GEM: variants seen among roughly 807,000 people sequenced by gnomAD.
The protein encoded by GEM is GTP-binding protein GEM.
GEM carries 31 observed loss-of-function variants against 33.0 expected under a neutral mutation model. That is an observed-to-expected ratio of 0.94 (90% CI 0.71 to 1.27). The LOEUF (loss-of-function observed/expected upper bound fraction) is 1.27. Among genes scored for constraint, GEM ranks in the 50% most tolerant of loss-of-function variants. GEM has a pLI of 0.00. For synonymous variants in GEM, 141 were observed against 143.7 expected (o/e 0.98, Z 0.13); for missense variants, 354 against 390.5 (o/e 0.91, Z 0.79).
At position 94,255,896 on chromosome 8, in the gene GEM, C is replaced by T. The variant is rs1306601963; in HGVS notation, c.332-2784G>A. On this transcript the variant is annotated intron_variant, in intron 2 of 4. Transcript: ENST00000297596. ...ATAAGGGGTGATGGTGGTCAGTAGC[C>T]ACTTTCTCTAGACCAGTTTGTCTTT... is the stretch of plus-strand genomic sequence containing the variant. Among the ~76,000 whole-genome samples, 3 of 152,084 alleles carry T rather than the reference C, an allele frequency of 2.0e-5. No individual in the cohort carries two copies. The East Asian group carries it at 5.8e-4, about 29-fold the overall frequency.
At chr8:94,251,099 C>T (rs555469994) in intron 4 of GEM, among the ~76,000 whole-genome samples, 6 of 152,280 alleles carry the variant, frequency 3.9e-5, no homozygotes, top group Admixed American at 2.6e-4. Context: ...TTTCTCCTGA[C>T]CCAGTTTCCA....
chr8:94,261,996 G>A (rs1221543459), intron 1 of GEM, 94 bp downstream of exon 1: 1 of 152,140 alleles, frequency 6.6e-6, no homozygotes, highest in Non-Finnish European at 1.5e-5. Flanking sequence ...CTGACCACTC[G>A]ATCTGTAGAG....
At chr8:94,258,811 A>C (rs1212733840) in intron 2 of GEM, among the ~76,000 whole-genome samples, 1 of 152,198 alleles carries the variant, frequency 6.6e-6, no homozygotes, top group African/African-American at 2.4e-5. Context: ...TTCTAAATCC[A>C]CCTTCCTTAT....
At position 94,260,495 on chromosome 8, in the gene GEM, CAG is replaced by C. The variant is rs755082119; in HGVS notation, c.7_8del (p.Leu3GlufsTer2). On this transcript the variant is annotated frameshift_variant, in exon 2 of 5. Coordinates refer to ENST00000297596, the MANE Select transcript of GEM (RefSeq NM_005261.4). LOFTEE classifies it high-confidence loss of function. ...TGCCCTGGCGCATGGTGACATTATT[CAG>C]AGTCATCGTTGAGTCCTGGGGAGCA... is the stretch of plus-strand genomic sequence containing the variant. MT[L>X]NNVTMRQGTV... The C allele has an allele frequency of 3.8e-5, 60 of 1,596,068 alleles. No individual in the cohort carries two copies. The East Asian group carries it at 1.1e-3, about 31-fold the overall frequency.
rs151310883 is a variant in GEM, at chr8:94,260,426, A to G, written c.78T>C (p.Ala26=). Residue 26 remains alanine, a synonymous_variant, in exon 2 of 5, where the codon GCT becomes GCC. Transcript: ENST00000297596. The part of the protein sequence containing the change: ...QPQQQRWSIP[A]DGRHLMVQKE... ...TCTGGACCATCAGATGCCTGCCATC[A>G]GCTGGGATGCTCCAGCGCTGCTGCT... The G allele has an allele frequency of 1.1e-4, 173 of 1,613,932 alleles. No individual in the cohort carries two copies. The African/African-American group carries it at 1.8e-3, about 17-fold the overall frequency.
intron 2 of GEM, among the ~76,000 whole-genome samples, chr8:94,255,933 C>T (rs1466759199): frequency 6.6e-6 from 1 of 152,114 alleles, no homozygotes; most frequent in Non-Finnish European, 1.5e-5. Context: ...CTCATTTGAT[C>T]CCCCTGACAG....
intron 2 of GEM, among the ~76,000 whole-genome samples, chr8:94,256,095 T>G (rs565842865): frequency 6.6e-6 from 1 of 152,088 alleles, no homozygotes; most frequent in Non-Finnish European, 1.5e-5. Context: ...CTTCAATATC[T>G]GATCAAATTC....
chr8:94,252,557 C>T (rs1808799893), intron 3 of GEM, among the ~76,000 whole-genome samples: 1 of 152,196 alleles, frequency 6.6e-6, no homozygotes, highest in Admixed American at 6.5e-5. Flanking sequence ...CCTTTTCTGA[C>T]TTCCCAAAAA....
chr8:94,254,928 A>C (rs1252860148), intron 2 of GEM, among the ~76,000 whole-genome samples: 1 of 152,192 alleles, frequency 6.6e-6, no homozygotes, highest in East Asian at 1.9e-4. Flanking sequence ...ATGCAGAAGG[A>C]ATGAGATCAC....
At chr8:94,255,618 A>C (rs1034354588) in intron 2 of GEM, among the ~76,000 whole-genome samples, 4 of 152,204 alleles carry the variant, frequency 2.6e-5, no homozygotes, top group African/African-American at 9.6e-5. Context: ...CTCATCTTTT[A>C]TCCTTTTCAA....
intron 3 of GEM, among the ~76,000 whole-genome samples, 154 bp from the exon 4 acceptor site, chr8:94,252,377 G>C (rs1808796301): frequency 6.6e-6 from 1 of 152,168 alleles, no homozygotes; most frequent in Non-Finnish European, 1.5e-5. Flanking sequence ...TAAAAGCATT[G>C]GTCTTCTATG....
intron 4 of GEM, among the ~76,000 whole-genome samples, chr8:94,250,952 A>T (rs1808757107): frequency 6.6e-6 from 1 of 152,226 alleles, no homozygotes; most frequent in Non-Finnish European, 1.5e-5. Context: ...TGTCCACAAC[A>T]ATCTTGGAAA....
Position 94,249,963 on chromosome 8 carries a change from C to T in GEM, c.*347G>A, listed in dbSNP as rs542481995. ...GGCCTCAAAGTCACATATCAGAACA[C>T]TGGGAAAAATTTTTAATGATGAAAA... On this transcript the variant is annotated 3_prime_UTR_variant, in exon 5 of 5. Coordinates refer to ENST00000297596, the MANE Select transcript of GEM (RefSeq NM_005261.4). 4.9e-6 allele frequency: 1 copy of T among 203,888 alleles called. No homozygotes were observed. The highest frequency in any genetic ancestry group is 1.5e-4 in the South Asian group (1 of 6,700). The allele number at this position is 203,888 out of a possible 1,614,324, so 12.6% of individuals were successfully genotyped here.
intron 2 of GEM, chr8:94,259,881 C>A (rs557711433): frequency 3.2e-6 from 1 of 313,498 alleles, no homozygotes; most frequent in Non-Finnish European, 5.9e-6. Context: ...GGGGCGCTGA[C>A]CCTCTGGCTC....
chr8:94,259,601 G>T (rs1187667185), intron 2 of GEM, among the ~76,000 whole-genome samples: 2 of 152,182 alleles, frequency 1.3e-5, no homozygotes, highest in Non-Finnish European at 2.9e-5. Context: ...AGATGAAATT[G>T]TACAGGGAAA....
rs766608259 is a variant in GEM at position 94,250,348 on chromosome 8, G to A, written c.853C>T (p.Leu285Phe). ...AGGTCATGGCAGGATTTGGACTTGA[G>A]CTTGAAGGCCATATTCTTGTTGTTT... ...AKNNKNMAFK[L>F]KSKSCHDLSV... The change falls in exon 5 of 5, where the codon CTC becomes TTC. Residue 285 changes from leucine (L) to phenylalanine (F), a missense_variant. By Grantham distance (22) the Leu-to-Phe change is conservative. Coordinates refer to ENST00000297596, the MANE Select transcript of GEM (RefSeq NM_005261.4). 6.2e-7 allele frequency: 1 copy of A among 1,613,956 alleles called. No individual in the cohort carries two copies. The highest frequency in any genetic ancestry group is 1.3e-5 in the African/African-American group (1 of 74,926).
At position 94,250,275 on chromosome 8, in the gene GEM, G is replaced by A. The variant is rs781100312; in HGVS notation, c.*35C>T. ...ATTGGTCCCAATGGCCTTCAACAAC[G>A]GCCATCAAAGGGACATCTGGGTGAC... On this transcript the variant is annotated 3_prime_UTR_variant, in exon 5 of 5. Coordinates refer to ENST00000297596, the MANE Select transcript of GEM (RefSeq NM_005261.4). The A allele has an allele frequency of 2.4e-5, 38 of 1,554,916 alleles. No homozygotes were observed. The highest frequency in any genetic ancestry group is 1.7e-4 in the Middle Eastern group (1 of 5,864).
intron 2 of GEM, among the ~76,000 whole-genome samples, chr8:94,253,729 C>A (rs567954249): frequency 6.6e-6 from 1 of 152,270 alleles, no homozygotes; most frequent in Non-Finnish European, 1.5e-5. Flanking sequence ...AGAAATGCAG[C>A]CTCCAGCTCT....
In GEM at chr8:94,250,666, G is replaced by C; in HGVS notation, c.614-79C>G. 4 of 1,204,728 alleles carry C rather than the reference G, an allele frequency of 3.3e-6. No individual in the cohort carries two copies. In the South Asian group the frequency reaches 4.5e-5, roughly 14 times the overall value. The allele number at this position is 1,204,728 out of a possible 1,614,324, so 74.6% of individuals were successfully genotyped here. On this transcript the variant is annotated intron_variant, in intron 4 of 4. Coordinates refer to ENST00000297596, the MANE Select transcript of GEM (RefSeq NM_005261.4). The stretch of plus-strand genomic sequence containing the variant: ...ACACAGTCAAGCTGGATGGTTCTTC[G>C]AGGTAACACTAAGTCAGCTGTATAT...
Sources: allele counts gnomAD v4.1 joint callset (sites outside exome capture counted in the v4.1 genomes callset), GRCh38; gene constraint gnomAD v4.1.1; transcripts MANE v1.5; gene names NCBI Gene and HGNC (gene_info 2026-07-23, HGNC 2026-07-21).